Variants in SRI observed in about 807,000 individuals in gnomAD.
SRI encodes sorcin, also known as 22 kDa protein.
Under a neutral mutation model 33.3 loss-of-function variants are expected in SRI, and 30 were observed. The ratio of observed to expected loss-of-function variants is 0.90; its 90% CI spans 0.67 to 1.22. The LOEUF is 1.22. Among genes scored for constraint, SRI ranks in the 50% most tolerant of loss-of-function variants. The pLI is 0.00. For missense variants in SRI, 243 were observed against 250.8 expected (o/e 0.97, Z 0.21); for synonymous variants, 75 against 89.9 (o/e 0.83, Z 0.94).
intron 3 of SRI, chr7:88,214,880 C>T (rs919284242): frequency 1.6e-6 from 2 of 1,225,692 alleles, no homozygotes; most frequent in Non-Finnish European, 2.1e-6. Flanking sequence ...ATATAATGGA[C>T]CTAGAAGGAA....
At chr7:88,214,822 A>G in intron 3 of SRI, 2 of 1,180,948 alleles carry the variant, frequency 1.7e-6, no homozygotes, top group Non-Finnish European at 2.1e-6. Flanking sequence ...TCTTCTGTTC[A>G]TTCTACTAGA....
rs757908114 is a variant in SRI at position 88,208,530 on chromosome 7, C to T, written c.547G>A (p.Val183Ile). 1.2e-6 allele frequency: 2 copies of T among 1,613,926 alleles called. No homozygotes were observed. The highest frequency in any genetic ancestry group is 3.3e-5 in the Admixed American group (2 of 60,024). Residue 183 changes from valine to isoleucine, a missense_variant, in exon 7 of 8, where the codon GTT becomes ATT. Transcript: ENST00000265729. Reference sequence around the variant, plus strand: ...ACATCATCATATGGGAAATTCACAACACCTTGCTGAGCAGTATCCCGTCTT... The same window carrying T: ...ACATCATCATATGGGAAATTCACAATACCTTGCTGAGCAGTATCCCGTCTT... ...FRRRDTAQQG[V>I]VNFPYDDFIQ...
Position 88,214,960 on chromosome 7 carries a change from G to A in SRI, c.205+2162C>T, listed in dbSNP as rs1179683292. ...AACTAAATTCAGGGAAAAAAGAGAA[G>A]CTGAATTACAATCTTACTGACTGGA... On this transcript the variant is annotated intron_variant, in intron 3 of 7. Coordinates refer to ENST00000265729, the MANE Select transcript of SRI (RefSeq NM_003130.4). The A allele has an allele frequency of 5.3e-6, 3 of 565,252 alleles. No homozygotes were observed. In the Admixed American group the frequency reaches 7.0e-5, roughly 13 times the overall value. 35.0% of individuals were successfully genotyped at this position (565,252 alleles called of 1,614,324 possible).
chr7:88,207,023 G>A (rs2115733062), intron 7 of SRI, among the ~76,000 whole-genome samples: 1 of 152,260 alleles, frequency 6.6e-6, no homozygotes, highest in South Asian at 2.1e-4. Flanking sequence ...TCAGATACCT[G>A]AGATTAGAAA....
At chr7:88,221,282 A>T (rs1281751184), upstream of SRI, among the ~76,000 whole-genome samples, 2 of 152,228 alleles carry the variant, frequency 1.3e-5, no homozygotes, top group Non-Finnish European at 2.9e-5. Flanking sequence ...TTCCCTCGCA[A>T]GCCCTTTTGA....
In SRI at chr7:88,206,063, C is replaced by T. The variant is rs557161468; in HGVS notation, c.*415G>A. ...TTTGTTGTTTTATTTCACCCAAGTG[C>T]GTCTATGTCATTTACCTAAGTTTTT... On this transcript the variant is annotated 3_prime_UTR_variant, in exon 8 of 8. Coordinates refer to ENST00000265729, the MANE Select transcript of SRI (RefSeq NM_003130.4). 4 of 179,894 alleles carry T rather than the reference C, an allele frequency of 2.2e-5. No homozygotes were observed. The highest frequency in any genetic ancestry group is 1.7e-4 in the Admixed American group (3 of 17,604). 11.1% of individuals were successfully genotyped at this position (179,894 alleles called of 1,614,324 possible). A position where few individuals can be genotyped will look rare whatever the true frequency, so the allele number is the denominator to read the frequency against.
chr7:88,213,701 T>C (rs1429776277), intron 3 of SRI, among the ~76,000 whole-genome samples: 2 of 152,204 alleles, frequency 1.3e-5, no homozygotes, highest in Non-Finnish European at 2.9e-5. Flanking sequence ...CTGGTATGGA[T>C]GGATGGCACC....
At chr7:88,223,252 G>T (rs373800639), upstream of SRI, among the ~76,000 whole-genome samples, 173 of 152,210 alleles carry the variant, frequency 1.1e-3, 1 homozygote, top group African/African-American at 4.2e-3. Context: ...ATAAAAATAT[G>T]CCAGATCCTC....
rs779742417 is a variant in SRI at position 88,209,975 on chromosome 7, A to G, written c.397+8T>C. The G allele has an allele frequency of 6.2e-7, 1 of 1,614,150 alleles. No homozygotes were observed. The highest frequency in any genetic ancestry group is 1.1e-5 in the South Asian group (1 of 91,084). On this transcript the variant is annotated splice_region_variant and intron_variant, in intron 5 of 7. Transcript: ENST00000265729. ...AATGAATGGAGAGTTCTAGTAAGCC[A>G]TACCTACCCATTGTTGTCAGGGCCT...
At chr7:88,225,050 T>TGCCTGGAATAG (rs1851966314) in intron 1 of SRI, among the ~76,000 whole-genome samples, 1 of 152,212 alleles carries the variant, frequency 6.6e-6, no homozygotes, top group Non-Finnish European at 1.5e-5. Flanking sequence ...TCATTCTACT[T>TGCCTGGAATAG]GCCTGGAATA....
upstream of SRI, among the ~76,000 whole-genome samples, chr7:88,223,142 A>G (rs997911569): frequency 2.6e-5 from 4 of 152,224 alleles, no homozygotes; most frequent in Non-Finnish European, 4.4e-5. Flanking sequence ...TGCAAATTCA[A>G]TTCTTACAAT....
chr7:88,214,746 AAAT>A (rs1033162856), intron 3 of SRI: 86 of 602,584 alleles, frequency 1.4e-4, no homozygotes, highest in South Asian at 2.1e-4. Flanking sequence ...TATTTAAATT[AAAT>A]AATGTTAATT....
Position 88,205,512 on chromosome 7 carries a change from T to A in SRI, c.*966A>T, listed in dbSNP as rs1370157187. On this transcript the variant is annotated 3_prime_UTR_variant, in exon 8 of 8. Transcript: ENST00000265729. ...GCTTAAAATTTTTTAAAAAATTCCT[T>A]CCATTATAAATGTAGTACCTGCTTA... 1 of 152,190 alleles carries A rather than the reference T, an allele frequency of 6.6e-6. No individual in the cohort carries two copies. The highest frequency in any genetic ancestry group is 1.5e-5 in the Non-Finnish European group (1 of 68,010). The allele number at this position is 152,190 out of a possible 1,614,324, so 9.4% of individuals were successfully genotyped here. A position where few individuals can be genotyped will look rare whatever the true frequency, so the allele number is the denominator to read the frequency against.
intron 7 of SRI, among the ~76,000 whole-genome samples, chr7:88,207,080 C>T (rs181035764): frequency 6.6e-6 from 1 of 151,938 alleles, no homozygotes; most frequent in African/African-American, 2.4e-5. Flanking sequence ...AAACATAAAG[C>T]AATAGATTCT....
intron 4 of SRI, 104 bp from the exon 5 acceptor site, chr7:88,210,234 T>G: frequency 7.9e-7 from 1 of 1,261,962 alleles, no homozygotes; most frequent in Non-Finnish European, 1.2e-6. Context: ...CTAAAAAAGT[T>G]ATTGTAGATT....
Position 88,218,857 on chromosome 7 carries a change from A to T in SRI, c.135+2T>A. 6.2e-7 allele frequency: 1 copy of T among 1,614,084 alleles called. No homozygotes were observed. Among genetic ancestry groups the T allele is most frequent in the African/African-American group, 1.3e-5 (1 of 75,042 alleles). On this transcript the variant is annotated splice_donor_variant, in intron 2 of 7. Coordinates refer to ENST00000265729, the MANE Select transcript of SRI (RefSeq NM_003130.4). LOFTEE classifies it high-confidence loss of function. ...TCTTTAATATTAAAGGGAAAAGCTA[A>T]CCTGTCCAGCTACAGCAGCAAAGTA... is the stretch of plus-strand genomic sequence containing the variant.
intron 7 of SRI, chr7:88,208,226 T>A: frequency 2.0e-6 from 1 of 503,204 alleles, no homozygotes; most frequent in South Asian, 5.2e-5. Context: ...TCATATAGTG[T>A]CACAGCAATT....
rs763914799 is a variant in SRI, at chr7:88,218,869, A to G, written c.125T>C (p.Val42Ala). Residue 42 changes from valine (V) to alanine (A), a missense_variant, in exon 2 of 8, where the codon GTA becomes GCA. Val to Ala is a moderately conservative substitution (Grantham distance 64, BLOSUM62 0). Coordinates refer to ENST00000265729, the MANE Select transcript of SRI (RefSeq NM_003130.4). ...QDPLYGYFAA[V>A]AGQDGQIDAD... Reference sequence around the variant, plus strand: ...AAGGGAAAAGCTAACCTGTCCAGCTACAGCAGCAAAGTAACCATACAGCGG... The same window carrying G: ...AAGGGAAAAGCTAACCTGTCCAGCTGCAGCAGCAAAGTAACCATACAGCGG... The G allele has an allele frequency of 1.4e-5, 23 of 1,614,006 alleles. No individual in the cohort carries two copies. Among genetic ancestry groups the G allele is most frequent in the Non-Finnish European group, 1.9e-5 (22 of 1,179,994 alleles).
chr7:88,211,439 G>A (rs1177461404), intron 3 of SRI, among the ~76,000 whole-genome samples: 8 of 151,790 alleles, frequency 5.3e-5, no homozygotes, highest in Admixed American at 4.6e-4. Flanking sequence ...TGGGTGACAG[G>A]GCAAGACTCC....
Sources: allele counts gnomAD v4.1 joint callset (sites outside exome capture counted in the v4.1 genomes callset), GRCh38; gene constraint gnomAD v4.1.1; transcripts MANE v1.5; gene names NCBI Gene and HGNC (gene_info 2026-07-23, HGNC 2026-07-21).